IL1RAPL2: variants seen among roughly 807,000 people sequenced by gnomAD.
IL1RAPL2 encodes the protein interleukin 1 receptor accessory protein like 2, also known as X-linked interleukin-1 receptor accessory protein-like 2.
A neutral mutation model predicts 44.1 loss-of-function variants in IL1RAPL2; 3 were observed. That is an observed-to-expected ratio of 0.07 (90% CI 0.03 to 0.18). The LOEUF (loss-of-function observed/expected upper bound fraction) is 0.18. Among genes scored for constraint, IL1RAPL2 ranks in the 10% least tolerant of loss-of-function variants. The pLI is 1.00. For synonymous variants in IL1RAPL2, 181 were observed against 178.8 expected, an observed-to-expected ratio of 1.01 and a Z score of -0.10; for missense variants, 391 against 496.4, an observed-to-expected ratio of 0.79 and a Z score of 2.02.
rs557644133 is a variant in IL1RAPL2, at chrX:104,957,050, G to A, written c.83-238425G>A. Among the ~76,000 whole-genome samples, 8 of 112,032 alleles carry A rather than the reference G, an allele frequency of 7.1e-5. No homozygotes were observed. The South Asian group carries it at 1.5e-3, about 21-fold the overall frequency. On this transcript the variant is annotated intron_variant, in intron 2 of 10. Coordinates refer to ENST00000372582, the MANE Select transcript of IL1RAPL2 (RefSeq NM_017416.2). ...TAAAAACATCCCTGAAGCCCTAAAG[G>A]GTTATAATTTCCCCTTCTTGCATGT...
chrX:105,424,675 G>A (rs912676085), intron 5 of IL1RAPL2, among the ~76,000 whole-genome samples: 1 of 109,557 alleles, frequency 9.1e-6, no homozygotes, highest in South Asian at 4.1e-4. Flanking sequence ...GCCTGAACCC[G>A]GGAGGAGGAG....
chrX:105,007,649 T>C (rs144111014), intron 2 of IL1RAPL2, among the ~76,000 whole-genome samples: 12 of 111,979 alleles, frequency 1.1e-4, no homozygotes, highest in African/African-American at 3.9e-4. Context: ...AAATGATTCA[T>C]GCTAAGCACA....
At chrX:104,752,231 A>G (rs1932270733) in intron 2 of IL1RAPL2, among the ~76,000 whole-genome samples, 1 of 109,847 alleles carries the variant, frequency 9.1e-6, no homozygotes, top group Non-Finnish European at 1.9e-5. Context: ...GGAGTTGCTT[A>G]CCATTTAAAA....
intron 10 of IL1RAPL2, among the ~76,000 whole-genome samples, chrX:105,757,137 C>T (rs1208681215): frequency 9.0e-6 from 1 of 111,648 alleles, no homozygotes; most frequent in Non-Finnish European, 1.9e-5. Context: ...TGTCTCCTAC[C>T]ACTTCCTCTA....
At chrX:105,604,697 C>A (rs750498356) in intron 6 of IL1RAPL2, among the ~76,000 whole-genome samples, 1 of 110,825 alleles carries the variant, frequency 9.0e-6, no homozygotes, top group East Asian at 2.8e-4. Context: ...CGCATGCACA[C>A]ACACACAAAG....
At chrX:105,711,617 G>A (rs1466369541) in intron 6 of IL1RAPL2, among the ~76,000 whole-genome samples, 1 of 111,105 alleles carries the variant, frequency 9.0e-6, no homozygotes, top group Non-Finnish European at 1.9e-5. Context: ...CATACCAATA[G>A]CCCCAAAGTC....
chrX:105,649,760 G>A (rs938880806), intron 6 of IL1RAPL2, among the ~76,000 whole-genome samples: 9 of 111,630 alleles, frequency 8.1e-5, no homozygotes, highest in Non-Finnish European at 1.9e-5. Flanking sequence ...GAACATTCCT[G>A]TCATGTCAAG....
chrX:104,692,310 C>T (rs1931103627), intron 2 of IL1RAPL2, among the ~76,000 whole-genome samples: 1 of 110,199 alleles, frequency 9.1e-6, no homozygotes, highest in African/African-American at 3.3e-5. Flanking sequence ...TTATTTTGCA[C>T]TGCTATAGAG....
At chrX:105,671,239 G>A (rs773011543) in intron 6 of IL1RAPL2, among the ~76,000 whole-genome samples, 1 of 112,206 alleles carries the variant, frequency 8.9e-6, no homozygotes, top group South Asian at 3.6e-4. Flanking sequence ...GAGCCACCAC[G>A]CCTGGCTGGT....
At chrX:105,202,707 A>G (rs909666258) in intron 3 of IL1RAPL2, among the ~76,000 whole-genome samples, 10 of 111,749 alleles carry the variant, frequency 8.9e-5, no homozygotes, top group African/African-American at 3.3e-4. Flanking sequence ...TGGATCAATC[A>G]TTATAATCAC....
intron 2 of IL1RAPL2, among the ~76,000 whole-genome samples, chrX:104,671,387 A>T (rs1258469287): frequency 9.0e-6 from 1 of 111,703 alleles, no homozygotes; most frequent in African/African-American, 3.3e-5. Context: ...TTTTCTTCAC[A>T]TGTGAATCAC....
chrX:104,802,837 C>T (rs1406162574), intron 2 of IL1RAPL2, among the ~76,000 whole-genome samples: 1 of 110,875 alleles, frequency 9.0e-6, no homozygotes, highest in Non-Finnish European at 1.9e-5. Flanking sequence ...AGTGTTTCTG[C>T]TTGACTGTTC....
intron 5 of IL1RAPL2, among the ~76,000 whole-genome samples, chrX:105,321,408 G>GT (rs1453531474): frequency 3.6e-5 from 4 of 111,713 alleles, no homozygotes; most frequent in Non-Finnish European, 5.6e-5. Flanking sequence ...TTATATTACC[G>GT]TAACAAGACT....
At chrX:104,655,403 G>A (rs1930235329) in intron 1 of IL1RAPL2, among the ~76,000 whole-genome samples, 1 of 111,488 alleles carries the variant, frequency 9.0e-6, no homozygotes, top group South Asian at 3.8e-4. Context: ...TTTTGTTGAA[G>A]GCCTCTTCTG....
At chrX:104,823,854 C>T (rs1479391717) in intron 2 of IL1RAPL2, among the ~76,000 whole-genome samples, 6 of 112,230 alleles carry the variant, frequency 5.3e-5, no homozygotes, top group Admixed American at 1.9e-4. Flanking sequence ...TTGAATTCCT[C>T]TCTTCCTATT....
At chrX:105,079,091 G>C (rs1332019172) in intron 2 of IL1RAPL2, among the ~76,000 whole-genome samples, 1 of 112,105 alleles carries the variant, frequency 8.9e-6, no homozygotes, top group Non-Finnish European at 1.9e-5. Context: ...ACCTCAGTTG[G>C]AAATGCAGAA....
At chrX:105,251,084 T>C (rs1025809828) in intron 4 of IL1RAPL2, among the ~76,000 whole-genome samples, 2 of 110,954 alleles carry the variant, frequency 1.8e-5, no homozygotes, top group Non-Finnish European at 3.8e-5. Flanking sequence ...TCTAAATGAA[T>C]TGTAAAGAGT....
chrX:105,511,949 A>T (rs749655038), intron 6 of IL1RAPL2, among the ~76,000 whole-genome samples: 1 of 93,677 alleles, frequency 1.1e-5, no homozygotes, highest in South Asian at 3.9e-4. Context: ...TGGCTCCTTG[A>T]GTAATACCTA....
intron 3 of IL1RAPL2, among the ~76,000 whole-genome samples, chrX:105,197,757 C>CT (rs781888965): frequency 1.5e-4 from 16 of 104,559 alleles, no homozygotes; most frequent in East Asian, 8.9e-4. Context: ...CAACTGATAG[C>CT]TTTTTTTTTT....
Sources: allele counts gnomAD v4.1 joint callset (sites outside exome capture counted in the v4.1 genomes callset), GRCh38; gene constraint gnomAD v4.1.1; transcripts MANE v1.5; gene names NCBI Gene and HGNC (gene_info 2026-07-23, HGNC 2026-07-21).